The following C3orf70 variants were observed in gnomAD, a reference collection of about 807,000 sequenced individuals.
C3orf70 encodes the protein UPF0524 protein C3orf70.
In C3orf70, 15 loss-of-function variants were observed where a neutral mutation model predicts 20.7. The observed-to-expected ratio is 0.72, with a 90% CI of 0.48 to 1.11. The LOEUF is 1.11. Among genes scored for constraint, C3orf70 ranks in the 50% most tolerant of loss-of-function variants. C3orf70 has a pLI of 0.00. For missense variants in C3orf70, 332 were observed against 317.6 expected, an observed-to-expected ratio of 1.05 and a Z score of -0.34; for synonymous variants, 161 against 125.7, an observed-to-expected ratio of 1.28 and a Z score of -1.88.
intron 1 of C3orf70, among the ~76,000 whole-genome samples, chr3:185,085,214 T>G (rs779779338): frequency 1.1e-4 from 16 of 152,204 alleles, no homozygotes; most frequent in Non-Finnish European, 1.8e-4. Flanking sequence ...TTTGTCAGAC[T>G]GGAAATCCTA....
intron 1 of C3orf70, among the ~76,000 whole-genome samples, chr3:185,144,861 G>A (rs1287329626): frequency 6.6e-6 from 1 of 152,166 alleles, no homozygotes; most frequent in Non-Finnish European, 1.5e-5. Context: ...GGGCCAAAGT[G>A]GTCCTGAGTA....
chr3:185,143,244 G>C (rs1716793785), intron 1 of C3orf70, among the ~76,000 whole-genome samples: 1 of 152,104 alleles, frequency 6.6e-6, no homozygotes, highest in African/African-American at 2.4e-5. Context: ...AAATGTATTG[G>C]GGGGAAAGGC....
intron 1 of C3orf70, among the ~76,000 whole-genome samples, chr3:185,092,181 G>A (rs1715605685): frequency 2.6e-5 from 4 of 151,764 alleles, no homozygotes; most frequent in African/African-American, 9.7e-5. Context: ...TTCAGAAGGT[G>A]GTTGAATGGT....
intron 1 of C3orf70, among the ~76,000 whole-genome samples, chr3:185,151,906 C>T (rs1343304101): frequency 1.3e-5 from 2 of 152,212 alleles, no homozygotes; most frequent in African/African-American, 2.4e-5. Context: ...AGGCTAAACA[C>T]AGAGAAAGGG....
At chr3:185,125,319 G>A (rs1716383903) in intron 1 of C3orf70, among the ~76,000 whole-genome samples, 2 of 152,112 alleles carry the variant, frequency 1.3e-5, no homozygotes, top group African/African-American at 4.8e-5. Flanking sequence ...GGCAGAGGTT[G>A]CGGTGAGCTG....
Position 185,107,563 on chromosome 3 carries a change from G to A in C3orf70, c.197-24000C>T, listed in dbSNP as rs1577324287. 2.6e-5 allele frequency among the ~76,000 whole-genome samples: 4 copies of A among 152,272 alleles called. No individual in the cohort carries two copies. In the East Asian group the frequency reaches 7.7e-4, roughly 29 times the overall value. On this transcript the variant is annotated intron_variant, in intron 1 of 1. Transcript: ENST00000335012. ...CTCCAGAACCTACACCTTTAAAATG[G>A]TTAACAGATAAGCCAATTTGGATAG...
At chr3:185,091,928 TA>T (rs1561330655) in intron 1 of C3orf70, among the ~76,000 whole-genome samples, 4 of 4,168 alleles carry the variant, frequency 9.6e-4, no homozygotes, top group African/African-American at 5.3e-3. Context: ...TATATATATA[TA>T]TATATATATA....
rs1418498042 is a variant in C3orf70, at chr3:185,080,069, A to G, written c.*2938T>C. 6.5e-6 allele frequency: 1 copy of G among 152,704 alleles called. No homozygotes were observed. The highest frequency in any genetic ancestry group is 1.5e-5 in the Non-Finnish European group (1 of 68,052). 9.5% of individuals were successfully genotyped at this position (152,704 alleles called of 1,614,324 possible). ...AGCATAAAGAAACAATTCCAGTTCA[A>G]TAACATATTTCAGAGTGTTATCAAC... is the stretch of plus-strand genomic sequence containing the variant. On this transcript the variant is annotated 3_prime_UTR_variant, in exon 2 of 2. Coordinates refer to ENST00000335012, the MANE Select transcript of C3orf70 (RefSeq NM_001025266.3).
At chr3:185,116,781 AT>A (rs34415840) in intron 1 of C3orf70, among the ~76,000 whole-genome samples, 3,447 of 143,268 alleles carry the variant, frequency 0.024, 53 homozygotes, top group African/African-American at 0.041. Context: ...AACCCTCTAC[AT>A]TTTTTTTTTT....
chr3:185,143,140 T>C (rs1336148740), intron 1 of C3orf70, among the ~76,000 whole-genome samples: 2 of 152,198 alleles, frequency 1.3e-5, no homozygotes, highest in African/African-American at 2.4e-5. Flanking sequence ...AAAAATGTCC[T>C]CATTCTTGAG....
chr3:185,102,960 G>A (rs559535951), intron 1 of C3orf70, among the ~76,000 whole-genome samples: 11 of 151,982 alleles, frequency 7.2e-5, no homozygotes, highest in Admixed American at 1.3e-4. Flanking sequence ...CCTGGAAGAC[G>A]GCCAGGCATG....
chr3:185,123,503 TTTCC>T (rs1356573359), intron 1 of C3orf70, among the ~76,000 whole-genome samples: 1 of 149,154 alleles, frequency 6.7e-6, no homozygotes, highest in East Asian at 1.9e-4. Context: ...TATATTTTTC[TTTCC>T]TTTTTTTTTT....
chr3:185,105,652 T>G (rs1009729501), intron 1 of C3orf70, among the ~76,000 whole-genome samples: 2 of 152,212 alleles, frequency 1.3e-5, no homozygotes, highest in African/African-American at 2.4e-5. Context: ...TATTTCTCTG[T>G]GTGTTTTTAA....
chr3:185,119,333 A>G (rs1339260271), intron 1 of C3orf70, among the ~76,000 whole-genome samples: 4 of 152,184 alleles, frequency 2.6e-5, no homozygotes, highest in Non-Finnish European at 5.9e-5. Flanking sequence ...GTTAATAATA[A>G]TATGTTATAT....
At chr3:185,151,567 C>T (rs1255268076) in intron 1 of C3orf70, among the ~76,000 whole-genome samples, 1 of 152,176 alleles carries the variant, frequency 6.6e-6, no homozygotes, top group Non-Finnish European at 1.5e-5. Context: ...GAAAATGATC[C>T]TCTATCCTTG....
At chr3:185,152,503 T>TCCGGCAGAGCAGCC (rs1198204506) in intron 1 of C3orf70, 125 bp downstream of exon 1, 4 of 775,858 alleles carry the variant, frequency 5.2e-6, no homozygotes, top group Non-Finnish European at 5.5e-6. Context: ...GGCCCCAGCC[T>TCCGGCAGAGCAGCC]CCGGCAGAGC....
chr3:185,149,791 G>A (rs1321726162), intron 1 of C3orf70, among the ~76,000 whole-genome samples: 1 of 152,240 alleles, frequency 6.6e-6, no homozygotes, highest in African/African-American at 2.4e-5. Flanking sequence ...TGGAGGAAGT[G>A]TGGAGAACCG....
Position 185,109,219 on chromosome 3 carries a change from C to G in C3orf70, c.197-25656G>C, listed in dbSNP as rs967722291. 2.0e-5 allele frequency among the ~76,000 whole-genome samples: 3 copies of G among 152,154 alleles called. No individual in the cohort carries two copies. The East Asian group carries it at 5.8e-4, about 29-fold the overall frequency. On this transcript the variant is annotated intron_variant, in intron 1 of 1. Coordinates refer to ENST00000335012, the MANE Select transcript of C3orf70 (RefSeq NM_001025266.3). Reference sequence around the variant, plus strand: ...CCCAAAGGCCAGATGTTATCAGCAGCTGAACAGCAACTACAGAAACCAGCT... The same window carrying G: ...CCCAAAGGCCAGATGTTATCAGCAGGTGAACAGCAACTACAGAAACCAGCT...
chr3:185,141,777 T>C (rs954079103), intron 1 of C3orf70, among the ~76,000 whole-genome samples: 4 of 150,112 alleles, frequency 2.7e-5, no homozygotes, highest in Non-Finnish European at 5.9e-5. Context: ...GAGGTACAAG[T>C]ATGCAGTGGG....
Sources: gnomAD v4.1 joint callset for allele counts (sites outside exome capture counted in the v4.1 genomes callset) on GRCh38, gnomAD v4.1.1 for gene constraint, MANE v1.5 for transcripts, NCBI Gene and HGNC (gene_info 2026-07-23, HGNC 2026-07-21) for gene names.